The following PAK1 variants were observed in gnomAD, a reference collection of about 807,000 sequenced individuals.
The protein encoded by PAK1 is p21 (RAC1) activated kinase 1, also known as serine/threonine-protein kinase PAK 1.
Under a neutral mutation model 67.4 loss-of-function variants are expected in PAK1, and 29 were observed. The ratio of observed to expected loss-of-function variants is 0.43; its 90% CI spans 0.32 to 0.59. The LOEUF (loss-of-function observed/expected upper bound fraction) is 0.59. Among genes scored for constraint, PAK1 ranks in the 20% least tolerant of loss-of-function variants. The pLI, the probability that PAK1 is intolerant of heterozygous loss-of-function variation, is 0.07. For missense variants in PAK1, 337 were observed against 670.7 expected (o/e 0.50, Z 5.50); for synonymous variants, 223 against 237.4 (o/e 0.94, Z 0.56).
chr11:77,328,308 C>T (rs900365585), intron 14 of PAK1, among the ~76,000 whole-genome samples: 4 of 152,176 alleles, frequency 2.6e-5, no homozygotes, highest in Non-Finnish European at 5.9e-5. Context: ...ACAGAACTCT[C>T]CACCCCAAAT....
At chr11:77,521,627 A>G in the PAK1 span, among the ~76,000 whole-genome samples, 1 of 152,186 alleles carries the variant, frequency 6.6e-6, no homozygotes, top group African/African-American at 2.4e-5. Flanking sequence ...CTCCTCCAAC[A>G]AGGGAAAGAA....
At position 77,322,826 on chromosome 11, in the gene PAK1, A is replaced by G; in HGVS notation, c.*448T>C. ...CATTCCCAAGCTGTTCCAGTTTTCA[A>G]GTACAATGAGGTGTCTGGGCAGTTG... On this transcript the variant is annotated 3_prime_UTR_variant, in exon 15 of 15. Transcript: ENST00000356341. The G allele has an allele frequency of 2.4e-6, 1 of 411,222 alleles. No homozygotes were observed. The highest frequency in any genetic ancestry group is 2.1e-5 in the African/African-American group (1 of 48,734). The allele number at this position is 411,222 out of a possible 1,614,324, so 25.5% of individuals were successfully genotyped here.
intron 1 of PAK1, among the ~76,000 whole-genome samples, chr11:77,430,348 C>A (rs1456744385): frequency 2.6e-5 from 4 of 152,168 alleles, no homozygotes; most frequent in African/African-American, 4.8e-5. Flanking sequence ...TTCAAATGTT[C>A]CTTCAACACT....
intron 1 of PAK1, among the ~76,000 whole-genome samples, chr11:77,429,794 A>C (rs1005389422): frequency 6.6e-6 from 1 of 152,200 alleles, no homozygotes; most frequent in Non-Finnish European, 1.5e-5. Context: ...GCAAAGCTTG[A>C]ATGGGTATGA....
chr11:77,490,346 C>G, the PAK1 span, among the ~76,000 whole-genome samples: 1 of 147,018 alleles, frequency 6.8e-6, no homozygotes, highest in East Asian at 2.0e-4. Flanking sequence ...GTCAGCCCCC[C>G]ACCCGGCCAG....
At chr11:77,418,057 ATTC>A (rs146675431) in intron 1 of PAK1, among the ~76,000 whole-genome samples, 4,781 of 152,024 alleles carry the variant, frequency 0.031, 120 homozygotes, top group African/African-American at 0.072. Context: ...TTTCTACACA[ATTC>A]TTCTATAAAC....
In PAK1 at chr11:77,322,850, T is replaced by G. The variant is rs1938724901; in HGVS notation, c.*424A>C. The stretch of plus-strand genomic sequence containing the variant: ...AAGTACAATGAGGTGTCTGGGCAGT[T>G]GAGTCACAGAAAAGCAAGCACTAAA... On this transcript the variant is annotated 3_prime_UTR_variant, in exon 15 of 15. Coordinates refer to ENST00000356341, the MANE Select transcript of PAK1 (RefSeq NM_002576.5). 1 of 478,142 alleles carries G rather than the reference T, an allele frequency of 2.1e-6. No homozygotes were observed. The allele number at this position is 478,142 out of a possible 1,614,324, so 29.6% of individuals were successfully genotyped here. A position where few individuals can be genotyped will look rare whatever the true frequency, so the allele number is the denominator to read the frequency against.
chr11:77,426,524 A>G (rs1017278293), intron 1 of PAK1, among the ~76,000 whole-genome samples: 1 of 152,218 alleles, frequency 6.6e-6, no homozygotes, highest in Non-Finnish European at 1.5e-5. Context: ...TTATAAACCT[A>G]GTAAATATCA....
chr11:77,489,682 C>T, the PAK1 span, among the ~76,000 whole-genome samples: 4 of 151,766 alleles, frequency 2.6e-5, 1 homozygote, highest in South Asian at 4.2e-4. Flanking sequence ...AGCTCCTAAC[C>T]GCGAGTGATC....
At chr11:77,523,672 C>G in the PAK1 span, among the ~76,000 whole-genome samples, 9 of 152,306 alleles carry the variant, frequency 5.9e-5, no homozygotes, top group African/African-American at 2.2e-4. Context: ...CCCGCCTTGA[C>G]CTCCCAAAGT....
At chr11:77,420,707 A>C (rs1257412979) in intron 1 of PAK1, among the ~76,000 whole-genome samples, 3 of 152,202 alleles carry the variant, frequency 2.0e-5, no homozygotes, top group African/African-American at 7.2e-5. Context: ...TGTGTACAAC[A>C]GTGGATCTCA....
At chr11:77,416,896 T>C (rs1954990440) in intron 1 of PAK1, among the ~76,000 whole-genome samples, 2 of 151,332 alleles carry the variant, frequency 1.3e-5, no homozygotes. Flanking sequence ...GAGCTTGCAG[T>C]GAGCAGAGAT....
intron 1 of PAK1, among the ~76,000 whole-genome samples, chr11:77,462,972 A>G (rs1185521898): frequency 6.8e-6 from 1 of 145,994 alleles, no homozygotes; most frequent in Non-Finnish European, 1.5e-5. Flanking sequence ...CAGTGAGAAA[A>G]AAAAAAAAAA....
At chr11:77,448,448 AAATAT>A (rs1205341671) in intron 1 of PAK1, among the ~76,000 whole-genome samples, 29 of 152,356 alleles carry the variant, frequency 1.9e-4, no homozygotes, top group African/African-American at 6.3e-4. Flanking sequence ...AACACAGTAC[AAATAT>A]AATATAAGAA....
At chr11:77,340,416 C>G (rs983039845) in intron 11 of PAK1, among the ~76,000 whole-genome samples, 39 of 152,080 alleles carry the variant, frequency 2.6e-4, no homozygotes, top group Non-Finnish European at 1.5e-5. Context: ...TATATACTTT[C>G]TAGTACTTTA....
At chr11:77,394,773 A>T (rs1161144889) in intron 1 of PAK1, among the ~76,000 whole-genome samples, 1 of 152,158 alleles carries the variant, frequency 6.6e-6, no homozygotes, top group Non-Finnish European at 1.5e-5. Context: ...TGAACCCGGG[A>T]GGCAGAGGTT....
intron 2 of PAK1, among the ~76,000 whole-genome samples, chr11:77,390,909 T>C (rs913044553): frequency 5.9e-5 from 9 of 152,174 alleles, no homozygotes; most frequent in African/African-American, 2.2e-4. Context: ...GTCCTTATTA[T>C]TTCTCATTTC....
intron 7 of PAK1, 131 bp downstream of exon 7, chr11:77,355,537 G>C (rs1027149011): frequency 2.8e-6 from 2 of 704,144 alleles, no homozygotes; most frequent in Non-Finnish European, 5.0e-6. Context: ...GGCAGGGTGA[G>C]GAGAAGCAGT....
rs375718273 is a variant in PAK1 at position 77,326,756 on chromosome 11, C to A, written c.1552-3396G>T. On this transcript the variant is annotated intron_variant, in intron 14 of 14. Coordinates refer to ENST00000356341, the MANE Select transcript of PAK1 (RefSeq NM_002576.5). ...TCTCCTCCTCCAAAGGAACGCAGCT[C>A]CTCACCAGCAACGGAACAAAGCTGG... 5.3e-4 allele frequency among the ~76,000 whole-genome samples: 81 copies of A among 152,242 alleles called. 1 individual carries two copies. The East Asian group carries it at 0.013, about 25-fold the overall frequency.
Sources: allele counts gnomAD v4.1 joint callset (sites outside exome capture counted in the v4.1 genomes callset), GRCh38; gene constraint gnomAD v4.1.1; transcripts MANE v1.5; gene names NCBI Gene and HGNC (gene_info 2026-07-23, HGNC 2026-07-21).